Variants in RACGAP1 observed in about 807,000 individuals in gnomAD.
RACGAP1 encodes the protein rac GTPase-activating protein 1.
In RACGAP1, 30 loss-of-function variants were observed where a neutral mutation model predicts 78.1. The observed-to-expected ratio is 0.38, with a 90% CI of 0.29 to 0.52. The LOEUF is 0.52. Among genes scored for constraint, RACGAP1 ranks in the 20% least tolerant of loss-of-function variants. RACGAP1 has a pLI of 0.82. For missense variants in RACGAP1, 587 were observed against 777.1 expected (o/e 0.76, Z 2.91); for synonymous variants, 231 against 264.8 (o/e 0.87, Z 1.24).
At chr12:50,027,724 G>T (rs1950293249), upstream of RACGAP1, among the ~76,000 whole-genome samples, 1 of 152,178 alleles carries the variant, frequency 6.6e-6, no homozygotes, top group African/African-American at 2.4e-5. Flanking sequence ...TACTCGGGAG[G>T]CTGAGGCAAG....
At chr12:50,013,288 C>G (rs1482712076) in intron 2 of RACGAP1, among the ~76,000 whole-genome samples, 1 of 152,092 alleles carries the variant, frequency 6.6e-6, no homozygotes, top group East Asian at 1.9e-4. Flanking sequence ...TGCCCAAATC[C>G]TCATAGCACT....
At chr12:49,992,751 G>T in intron 12 of RACGAP1, 96 bp from the exon 13 acceptor site, 1 of 860,622 alleles carries the variant, frequency 1.2e-6, no homozygotes, top group Non-Finnish European at 1.8e-6. Context: ...TATACAGTAA[G>T]CTTCTGAAAC....
intron 15 of RACGAP1, 94 bp downstream of exon 15, chr12:49,991,904 A>G: frequency 6.4e-7 from 1 of 1,552,632 alleles, no homozygotes; most frequent in East Asian, 2.3e-5. Flanking sequence ...TAATGTTAGA[A>G]TTTTCAAACA....
At chr12:50,029,635 T>C (rs1950313586), upstream of RACGAP1, among the ~76,000 whole-genome samples, 2 of 151,950 alleles carry the variant, frequency 1.3e-5, no homozygotes, top group African/African-American at 4.8e-5. Context: ...GGCTCACGCC[T>C]GTAATCCCAG....
chr12:50,025,660 G>T (rs566042855), upstream of RACGAP1: 466 of 543,216 alleles, frequency 8.6e-4, no homozygotes, highest in East Asian at 4.0e-3. Flanking sequence ...CGGTTTTTCG[G>T]TTTTTTTTGT....
chr12:50,004,533 A>G (rs113353925), intron 4 of RACGAP1, among the ~76,000 whole-genome samples: 4 of 152,336 alleles, frequency 2.6e-5, no homozygotes, highest in African/African-American at 9.6e-5. Context: ...TTTTTCAGCA[A>G]AGACCTTATA....
Position 49,990,263 on chromosome 12 carries a change from T to G in RACGAP1, c.*5A>C. ...AATGCTGGGAAGTAACAGGCAGATG[T>G]GACTTCACTTGAGCATTGGAGAAGC... On this transcript the variant is annotated 3_prime_UTR_variant, in exon 17 of 17. Transcript: ENST00000312377. 1.2e-6 allele frequency: 2 copies of G among 1,610,344 alleles called. No individual in the cohort carries two copies. Among genetic ancestry groups the G allele is most frequent in the Non-Finnish European group, 1.7e-6 (2 of 1,176,692 alleles).
At chr12:50,015,348 G>A (rs1054302422) in intron 2 of RACGAP1, among the ~76,000 whole-genome samples, 5 of 152,120 alleles carry the variant, frequency 3.3e-5, no homozygotes, top group African/African-American at 1.2e-4. Context: ...TGAAGTAGGT[G>A]AAAGCAAATG....
At chr12:49,992,423 T>G in intron 13 of RACGAP1, 46 bp from the exon 14 acceptor site, 1 of 1,599,804 alleles carries the variant, frequency 6.3e-7, no homozygotes, top group South Asian at 1.1e-5. Flanking sequence ...CTTGCTTAAA[T>G]GCAGACCAAA....
Position 49,992,606 on chromosome 12 carries a change from A to AC in RACGAP1, c.1388dup (p.Glu464Ter). The AC allele has an allele frequency of 6.2e-7, 1 of 1,614,190 alleles. No individual in the cohort carries two copies. Among genetic ancestry groups the AC allele is most frequent in the Non-Finnish European group, 8.5e-7 (1 of 1,180,026 alleles). The stretch of plus-strand genomic sequence containing the variant: ...TGTCCCTGTTGGCCTGGGGCAGTTC[A>AC]CCAACAGCTTGGTACATGGCAGCTA... On this transcript the variant is annotated frameshift_variant, in exon 13 of 17. Transcript: ENST00000312377. LOFTEE classifies it high-confidence loss of function.
chr12:49,997,118 G>A lies in RACGAP1; in HGVS notation c.966C>T (p.Val322=). 2 of 1,610,526 alleles carry A rather than the reference G, an allele frequency of 1.2e-6. No homozygotes were observed. The highest frequency in any genetic ancestry group is 1.7e-6 in the Non-Finnish European group (2 of 1,177,264). ...AGCGGTCCCGACATTCTGGATGAGA[G>A]ACCACACGACAGTCTCGACACTTCA... ...LSLKCRDCRV[V]SHPECRDRCP... is the part of the protein sequence containing the mutation. The change falls in exon 10 of 17, where the codon GTC becomes GTT. Residue 322 remains valine (V), a synonymous_variant. Transcript: ENST00000312377.
chr12:50,008,552 G>A (rs1565684788), intron 2 of RACGAP1, among the ~76,000 whole-genome samples: 2 of 151,708 alleles, frequency 1.3e-5, no homozygotes, highest in Non-Finnish European at 2.9e-5. Context: ...GAGTGCAGTA[G>A]CACAATCTTG....
At chr12:50,021,786 G>C (rs939937517) in intron 1 of RACGAP1, among the ~76,000 whole-genome samples, 19 of 152,152 alleles carry the variant, frequency 1.2e-4, no homozygotes, top group African/African-American at 3.4e-4. Flanking sequence ...CAACAATATA[G>C]ATTCCCTGCT....
At chr12:50,017,176 T>TA in intron 1 of RACGAP1, 1 of 712,216 alleles carries the variant, frequency 1.4e-6, no homozygotes, top group Non-Finnish European at 1.7e-6. Flanking sequence ...AACTGCCTTT[T>TA]AAAATGCAGG....
intron 3 of RACGAP1, 144 bp downstream of exon 3, chr12:50,006,290 C>T (rs1424300573): frequency 3.0e-5 from 25 of 830,062 alleles, no homozygotes; most frequent in Non-Finnish European, 4.6e-5. Flanking sequence ...CAGCTCTAAT[C>T]ATGGGCAAGC....
chr12:50,019,980 C>T (rs565184263), intron 1 of RACGAP1, among the ~76,000 whole-genome samples: 24 of 152,246 alleles, frequency 1.6e-4, no homozygotes, highest in African/African-American at 5.8e-4. Context: ...TACTTCCATC[C>T]TAAAACAGTG....
chr12:50,003,148 A>G (rs1207282897), intron 5 of RACGAP1, among the ~76,000 whole-genome samples: 2 of 151,854 alleles, frequency 1.3e-5, no homozygotes, highest in East Asian at 3.9e-4. Flanking sequence ...AACTATTTGC[A>G]TTCATTTTAG....
chr12:50,000,441 C>T (rs532923447), intron 7 of RACGAP1, among the ~76,000 whole-genome samples: 156 of 152,164 alleles, frequency 1.0e-3, no homozygotes, highest in Middle Eastern at 3.4e-3. Context: ...AGGCGTGAGC[C>T]ACCACGCCTG....
chr12:50,008,220 CAG>C (rs1234811394), intron 2 of RACGAP1, among the ~76,000 whole-genome samples: 2 of 113,520 alleles, frequency 1.8e-5, no homozygotes, highest in African/African-American at 3.6e-5. Flanking sequence ...TTTTTTGAGA[CAG>C]AGTTTCACTC....
Sources: allele counts gnomAD v4.1 joint callset (sites outside exome capture counted in the v4.1 genomes callset), GRCh38; gene constraint gnomAD v4.1.1; transcripts MANE v1.5; gene names NCBI Gene and HGNC (gene_info 2026-07-23, HGNC 2026-07-21).